Variants in GAGE2A observed in about 807,000 individuals in gnomAD.
The protein encoded by GAGE2A is G antigen 2A/2B.
intron 1 of GAGE2A, among the ~76,000 whole-genome samples, chrX:49,590,011 T>C (rs77556316): frequency 5.4e-5 from 6 of 112,141 alleles, no homozygotes; most frequent in East Asian, 5.6e-4. Context: ...CGGTGTGGAG[T>C]GCGGAGCGCC....
chrX:49,590,107 C>A (rs1557130139), intron 1 of GAGE2A, among the ~76,000 whole-genome samples: 3 of 114,517 alleles, frequency 2.6e-5, no homozygotes, highest in African/African-American at 9.5e-5. Context: ...TGCGGTCCAA[C>A]CAAACTTGTT....
At chrX:49,595,560 C>T (rs1368629558) in intron 4 of GAGE2A, among the ~76,000 whole-genome samples, 1,297 of 22,635 alleles carry the variant, frequency 0.057, no homozygotes, top group Middle Eastern at 0.12. Context: ...ATTTATTTAT[C>T]ATTATACTTT....
chrX:49,595,699 T>TC (rs2066603684), intron 4 of GAGE2A, among the ~76,000 whole-genome samples: 1 of 7,703 alleles, frequency 1.3e-4, no homozygotes, highest in Non-Finnish European at 2.2e-4. Context: ...CCCTCCCCCC[T>TC]CCCCCCACCC....
intron 1 of GAGE2A, among the ~76,000 whole-genome samples, chrX:49,589,994 C>G (rs782258745): frequency 1.8e-5 from 2 of 114,184 alleles, no homozygotes; most frequent in East Asian, 5.5e-4. Context: ...GGCGAGCCCC[C>G]CCCCAGCGGT....
intron 3 of GAGE2A, among the ~76,000 whole-genome samples, chrX:49,591,535 T>C: frequency 9.8e-6 from 1 of 102,184 alleles, no homozygotes; most frequent in East Asian, 3.1e-4. Context: ...ATGATAAAAG[T>C]TCTCGACTTT....
Position 49,591,566 on chromosome X carries a change from G to T in GAGE2A, c.202+249G>T, listed in dbSNP as rs1390027979. ...ACTTTATGAATGAGAGAATGGAGGT[G>T]CCAGGGTTGTGTGTTATCCAAGAAC... On this transcript the variant is annotated intron_variant, in intron 3 of 4. Coordinates refer to ENST00000362097, the MANE Select transcript of GAGE2A (RefSeq NM_001127212.4). Among the ~76,000 whole-genome samples the T allele has an allele frequency of 7.9e-5, 8 of 101,895 alleles. No individual in the cohort carries two copies. The East Asian group carries it at 2.2e-3, about 28-fold the overall frequency. 88.5% of individuals were successfully genotyped at this position (101,895 alleles called of 115,157 possible).
At chrX:49,590,993 C>G (rs2066593821) in intron 2 of GAGE2A, among the ~76,000 whole-genome samples, 1 of 114,814 alleles carries the variant, frequency 8.7e-6, no homozygotes, top group African/African-American at 3.2e-5. Flanking sequence ...AGTATAATAG[C>G]CTCCAAAGTC....
intron 3 of GAGE2A, among the ~76,000 whole-genome samples, chrX:49,591,539 C>T (rs1361784877): frequency 2.9e-5 from 3 of 101,960 alleles, no homozygotes; most frequent in African/African-American, 1.1e-4. Context: ...TAAAAGTTCT[C>T]GACTTTATGA....
intron 2 of GAGE2A, among the ~76,000 whole-genome samples, 160 bp from the exon 3 acceptor site, chrX:49,591,037 G>C (rs1311340098): frequency 3.5e-5 from 4 of 114,069 alleles, no homozygotes; most frequent in African/African-American, 1.3e-4. Flanking sequence ...TATCCTCCCT[G>C]TGGGTGGAGT....
intron 1 of GAGE2A, among the ~76,000 whole-genome samples, chrX:49,590,277 G>T (rs139719947): frequency 2.9e-4 from 32 of 110,880 alleles, no homozygotes; most frequent in Middle Eastern, 6.0e-3. Flanking sequence ...CGCCTACGTA[G>T]TCCCAGTTAC....
chrX:49,589,910 C>T lies in GAGE2A; in HGVS notation c.-9+307C>T, dbSNP rs1557130048. Among the ~76,000 whole-genome samples, 3 of 114,047 alleles carry T rather than the reference C, an allele frequency of 2.6e-5. No individual in the cohort carries two copies. In the South Asian group the frequency reaches 1.0e-3, roughly 39 times the overall value. ...GATCCCCGACGACACAGGGCAGATTCCCTGAATGGGGCCCCCGGCGGGGGC... is the reference window on the plus strand; with the variant it reads ...GATCCCCGACGACACAGGGCAGATTTCCTGAATGGGGCCCCCGGCGGGGGC... On this transcript the variant is annotated intron_variant, in intron 1 of 4. Coordinates refer to ENST00000362097, the MANE Select transcript of GAGE2A (RefSeq NM_001127212.4).
At chrX:49,589,897 C>T (rs1245404941) in intron 1 of GAGE2A, among the ~76,000 whole-genome samples, 1 of 113,998 alleles carries the variant, frequency 8.8e-6, no homozygotes, top group Non-Finnish European at 1.9e-5. Flanking sequence ...TCCCCGACGA[C>T]ACAGGGCAGA....
chrX:49,591,626 C>T (rs2066599574), intron 3 of GAGE2A, among the ~76,000 whole-genome samples: 1 of 96,760 alleles, frequency 1.0e-5, no homozygotes, highest in African/African-American at 3.6e-5. Flanking sequence ...GTACTGTGTT[C>T]CAAGGTTTGT....
At chrX:49,591,618 A>G (rs1366320729) in intron 3 of GAGE2A, among the ~76,000 whole-genome samples, 28 of 97,974 alleles carry the variant, frequency 2.9e-4, no homozygotes, top group Non-Finnish European at 4.5e-4. Context: ...CAACATTTGT[A>G]CTGTGTTCCA....
intron 3 of GAGE2A, 78 bp downstream of exon 3, chrX:49,591,395 T>A (rs1433711512): frequency 2.1e-6 from 2 of 947,107 alleles, no homozygotes; most frequent in African/African-American, 1.9e-5. Context: ...CACGTGTGTG[T>A]GTGTGTGTGT....
chrX:49,591,485 G>T (rs1408876548), intron 3 of GAGE2A, among the ~76,000 whole-genome samples, 168 bp downstream of exon 3: 1 of 98,067 alleles, frequency 1.0e-5, no homozygotes, highest in African/African-American at 3.6e-5. Flanking sequence ...AAGCGAGGAG[G>T]CTATGTAGTT....
chrX:49,591,481 G>A (rs1157603054), intron 3 of GAGE2A, among the ~76,000 whole-genome samples, 164 bp downstream of exon 3: 20 of 97,649 alleles, frequency 2.0e-4, no homozygotes, highest in Non-Finnish European at 4.3e-4. Context: ...GGAAAAGCGA[G>A]GAGGCTATGT....
At chrX:49,591,452 A>C in intron 3 of GAGE2A, 135 bp downstream of exon 3, 1 of 767,342 alleles carries the variant, frequency 1.3e-6, no homozygotes, top group Non-Finnish European at 1.8e-6. Flanking sequence ...AACAATGGAA[A>C]GAATGCCTGA....
chrX:49,595,576 T>G (rs1250471525), intron 4 of GAGE2A, among the ~76,000 whole-genome samples: 3 of 41,289 alleles, frequency 7.3e-5, no homozygotes, highest in Admixed American at 4.8e-4. Context: ...ACTTTAAGTT[T>G]TAGGGTACAT....
Sources: gnomAD v4.1 joint callset for allele counts (sites outside exome capture counted in the v4.1 genomes callset) on GRCh38, gnomAD v4.1.1 for gene constraint, MANE v1.5 for transcripts, NCBI Gene and HGNC (gene_info 2026-07-23, HGNC 2026-07-21) for gene names.